Variants in ADARB2 observed in about 807,000 individuals in gnomAD.
ADARB2 encodes adenosine deaminase RNA specific B2 (inactive), also known as inactive double-stranded RNA-specific editase B2.
A neutral mutation model predicts 62.2 loss-of-function variants in ADARB2; 25 were observed. The observed-to-expected ratio is 0.40, with a 90% CI of 0.29 to 0.56. ADARB2 has a LOEUF of 0.56. ADARB2 is among the 20% of genes least tolerant of loss of function. ADARB2 has a pLI of 0.43. For missense variants in ADARB2, 1,071 were observed against 1,077.4 expected (o/e 0.99, Z 0.08); for synonymous variants, 572 against 500.8 (o/e 1.14, Z -1.90).
At chr10:1,333,456 C>T (rs1173888575) in intron 3 of ADARB2, among the ~76,000 whole-genome samples, 1 of 152,150 alleles carries the variant, frequency 6.6e-6, no homozygotes, top group African/African-American at 2.4e-5. Context: ...GGTCCAGGAC[C>T]TCAACCACCA....
chr10:1,225,770 C>T (rs183479440), intron 6 of ADARB2, among the ~76,000 whole-genome samples: 175 of 151,444 alleles, frequency 1.2e-3, no homozygotes, highest in African/African-American at 2.2e-3. Flanking sequence ...GAGTTTCTGC[C>T]GAGAGATCAG....
chr10:1,264,027 C>T (rs1056030419), intron 4 of ADARB2, among the ~76,000 whole-genome samples: 1 of 152,104 alleles, frequency 6.6e-6, no homozygotes, highest in South Asian at 2.1e-4. Flanking sequence ...GATTTAAAAT[C>T]AATTGCCCAT....
At chr10:1,714,745 G>T (rs569341605) in intron 1 of ADARB2, among the ~76,000 whole-genome samples, 1 of 152,218 alleles carries the variant, frequency 6.6e-6, no homozygotes, top group Non-Finnish European at 1.5e-5. Context: ...GCCTGTGAGG[G>T]CTTTCATTTA....
chr10:1,426,433 T>G lies in ADARB2; in HGVS notation c.101-47273A>C, dbSNP rs1055669973. 2.0e-5 allele frequency among the ~76,000 whole-genome samples: 3 copies of G among 152,102 alleles called. No homozygotes were observed. The highest frequency in any genetic ancestry group is 2.9e-5 in the Non-Finnish European group (2 of 68,020). The stretch of plus-strand genomic sequence containing the variant: ...CATTGTTGCTGTAAAACCGAAGCCC[T>G]CTTCTGCGTGGCGATTTGGAGAACA... On this transcript the variant is annotated intron_variant, in intron 1 of 9. Transcript: ENST00000381312. The surrounding 1 kb of genome is among the most constrained non-coding windows in gnomAD (Gnocchi z 4.1).
intron 1 of ADARB2, among the ~76,000 whole-genome samples, chr10:1,706,467 A>T: frequency 6.6e-6 from 1 of 152,350 alleles, no homozygotes; most frequent in East Asian, 1.9e-4. Context: ...GGCCAGCCAC[A>T]GGTATTTACA....
chr10:1,267,678 A>G (rs1213673055), intron 4 of ADARB2, among the ~76,000 whole-genome samples: 2 of 152,252 alleles, frequency 1.3e-5, no homozygotes. Flanking sequence ...AAAGCGATAT[A>G]AGCAAGTCTA....
intron 1 of ADARB2, among the ~76,000 whole-genome samples, chr10:1,722,939 A>G (rs1223489211): frequency 1.3e-5 from 2 of 152,108 alleles, no homozygotes; most frequent in Non-Finnish European, 2.9e-5. Flanking sequence ...ATACATGTGT[A>G]CACACACACA....
At chr10:1,437,504 G>A (rs923339809) in intron 1 of ADARB2, among the ~76,000 whole-genome samples, 1 of 152,206 alleles carries the variant, frequency 6.6e-6, no homozygotes, top group Non-Finnish European at 1.5e-5. Context: ...AGGAGCCCGA[G>A]TCAGGTCTCT....
chr10:1,680,956 G>A (rs767784816), intron 1 of ADARB2, among the ~76,000 whole-genome samples: 21 of 152,178 alleles, frequency 1.4e-4, no homozygotes, highest in East Asian at 7.7e-4. Flanking sequence ...GGGCAACTCC[G>A]TAGTAGAACA....
chr10:1,363,462 C>A lies in ADARB2; in HGVS notation c.643G>T (p.Asp215Tyr). ...GPGPGTDFTSDQADFPDTLFQ... is the reference protein window; with the variant it reads ...GPGPGTDFTSYQADFPDTLFQ... ...AGCGTGTCGGGGAAATCGGCCTGGTCGGAGGTGAAGTCCGTGCCGGGGCCC... is the reference window on the plus strand; with the variant it reads ...AGCGTGTCGGGGAAATCGGCCTGGTAGGAGGTGAAGTCCGTGCCGGGGCCC... Residue 215 changes from aspartate to tyrosine, a missense_variant, in exon 3 of 10, where the codon GAC (aspartate) becomes TAC (tyrosine). Physicochemically the swap from Asp to Tyr is radical, Grantham distance 160. Transcript: ENST00000381312. 2 of 1,454,082 alleles carry A rather than the reference C, an allele frequency of 1.4e-6. No individual in the cohort carries two copies. The highest frequency in any genetic ancestry group is 1.5e-5 in the South Asian group (1 of 68,216). 90.1% of individuals were successfully genotyped at this position (1,454,082 alleles called of 1,614,324 possible). A position where few individuals can be genotyped will look rare whatever the true frequency, so the allele number is the denominator to read the frequency against.
intron 1 of ADARB2, among the ~76,000 whole-genome samples, chr10:1,669,465 AACACAGACACAG>A (rs1184752700): frequency 6.6e-6 from 1 of 150,432 alleles, no homozygotes; most frequent in African/African-American, 2.4e-5. Flanking sequence ...GGGAGACACA[AACACAGACACAG>A]ACACACACAC....
At chr10:1,595,899 T>C (rs1817118701) in intron 1 of ADARB2, among the ~76,000 whole-genome samples, 1 of 152,192 alleles carries the variant, frequency 6.6e-6, no homozygotes, top group Non-Finnish European at 1.5e-5. Flanking sequence ...TCCAGGAAAG[T>C]AAATGTGCTG....
intron 7 of ADARB2, among the ~76,000 whole-genome samples, chr10:1,203,406 G>T (rs1384277994): frequency 2.6e-5 from 4 of 152,206 alleles, no homozygotes; most frequent in Non-Finnish European, 5.9e-5. Context: ...CAGGGAACAG[G>T]ACCGCCCTTG....
chr10:1,249,100 G>A lies in ADARB2; in HGVS notation c.1193-6801C>T, dbSNP rs532753608. On this transcript the variant is annotated intron_variant, in intron 4 of 9. Coordinates refer to ENST00000381312, the MANE Select transcript of ADARB2 (RefSeq NM_018702.4). Reference sequence around the variant, plus strand: ...GCAGAGGAAAAGAGCACTACAGTACGTCCCTGCAACATGGGCTTATTTCTG... The same window carrying A: ...GCAGAGGAAAAGAGCACTACAGTACATCCCTGCAACATGGGCTTATTTCTG... Among the ~76,000 whole-genome samples the A allele has an allele frequency of 2.6e-5, 4 of 152,262 alleles. No homozygotes were observed. In the East Asian group the frequency reaches 5.8e-4, roughly 22 times the overall value.
intron 6 of ADARB2, among the ~76,000 whole-genome samples, chr10:1,226,582 G>A (rs2131763503): frequency 6.6e-6 from 1 of 152,278 alleles, no homozygotes; most frequent in East Asian, 1.9e-4. Context: ...GTACAGATGG[G>A]TTTTTGGTGT....
intron 3 of ADARB2, among the ~76,000 whole-genome samples, chr10:1,332,389 C>G (rs781456040): frequency 4.1e-5 from 6 of 145,478 alleles, no homozygotes; most frequent in Non-Finnish European, 7.5e-5. Context: ...GCATTCCAGT[C>G]TGGGTGATGG....
chr10:1,325,846 G>A (rs1196487767), intron 3 of ADARB2, among the ~76,000 whole-genome samples: 2 of 152,152 alleles, frequency 1.3e-5, no homozygotes, highest in East Asian at 1.9e-4. Context: ...TAGAATATCC[G>A]CACCTGAGAA....
At chr10:1,423,123 C>T (rs1322170759) in intron 1 of ADARB2, among the ~76,000 whole-genome samples, 1 of 152,232 alleles carries the variant, frequency 6.6e-6, no homozygotes, top group East Asian at 1.9e-4. Context: ...GTCCCCGAGT[C>T]TCCACAGGTG....
At chr10:1,485,440 T>A (rs1028549469) in intron 1 of ADARB2, among the ~76,000 whole-genome samples, 1 of 152,064 alleles carries the variant, frequency 6.6e-6, no homozygotes. Context: ...CATGTAGACA[T>A]GTACCTATGG....
Sources: gnomAD v4.1 joint callset for allele counts (sites outside exome capture counted in the v4.1 genomes callset) on GRCh38, gnomAD v4.1.1 for gene constraint, Gnocchi (gnomAD v3.1) non-coding constraint, MANE v1.5 for transcripts, NCBI Gene and HGNC (gene_info 2026-07-23, HGNC 2026-07-21) for gene names.